Variants in NMNAT3 observed in about 807,000 individuals in gnomAD.
NMNAT3 encodes the protein nicotinamide/nicotinic acid mononucleotide adenylyltransferase 3.
Under a neutral mutation model 24.8 loss-of-function variants are expected in NMNAT3, and 21 were observed. That is an observed-to-expected ratio of 0.85 (90% CI 0.60 to 1.22). NMNAT3 has a LOEUF of 1.22. Among genes scored for constraint, NMNAT3 ranks in the 50% most tolerant of loss-of-function variants. The pLI, the probability that NMNAT3 is intolerant of heterozygous loss-of-function variation, is 0.00. For synonymous variants in NMNAT3, 136 were observed against 155.2 expected (o/e 0.88, Z 0.92); for missense variants, 387 against 436.6 (o/e 0.89, Z 1.01).
chr3:139,599,253 G>T, intron 3 of NMNAT3: 2 of 686,322 alleles, frequency 2.9e-6, no homozygotes, highest in South Asian at 1.6e-5. Context: ...ATGCTCAGAC[G>T]TGGCTGCTCT....
chr3:139,611,029 TGA>T (rs1331159096), intron 3 of NMNAT3, among the ~76,000 whole-genome samples: 3 of 22,562 alleles, frequency 1.3e-4, no homozygotes, highest in African/African-American at 1.7e-4. Context: ...CCAAAGTTGG[TGA>T]GGATGGGGGG....
chr3:139,641,443 C>T (rs966274810), intron 1 of NMNAT3, among the ~76,000 whole-genome samples: 1 of 152,142 alleles, frequency 6.6e-6, no homozygotes, highest in African/African-American at 2.4e-5. Flanking sequence ...ATAGTTGGAA[C>T]AGAGAGGCTG....
At position 139,561,187 on chromosome 3, in the gene NMNAT3, C is replaced by A. The variant is rs1410298680; in HGVS notation, c.864G>T (p.Glu288Asp). Residue 288 changes from glutamate (E) to aspartate (D), a missense_variant, in exon 7 of 7, where the codon GAG becomes GAT. By Grantham distance (45) the Glu-to-Asp change is conservative. Transcript: ENST00000643695. The stretch of plus-strand genomic sequence containing the variant: ...TGGCACTGATCTCATTCTGCACAGG[C>A]TCCTTGGCCAGGTGAATGTTGTGCT... 2 of 1,614,206 alleles carry A rather than the reference C, an allele frequency of 1.2e-6. No individual in the cohort carries two copies. Among genetic ancestry groups the A allele is most frequent in the South Asian group, 2.2e-5 (2 of 91,086 alleles).
intron 3 of NMNAT3, among the ~76,000 whole-genome samples, chr3:139,619,139 C>T (rs1336129381): frequency 3.3e-5 from 5 of 152,192 alleles, no homozygotes; most frequent in Admixed American, 6.5e-5. Context: ...GTAGGTCTGT[C>T]ACCACCTATG....
Position 139,560,901 on chromosome 3 carries a change from A to C in NMNAT3, c.*109T>G. On this transcript the variant is annotated 3_prime_UTR_variant, in exon 7 of 7. Coordinates refer to ENST00000643695, the MANE Select transcript of NMNAT3 (RefSeq NM_001320510.2). ...CAGAAGTAGAATCACTGTAGAAATA[A>C]AGCAAATGAAAAATGGAGAAGCAAA... is the stretch of plus-strand genomic sequence containing the variant. The C allele has an allele frequency of 9.1e-7, 1 of 1,103,988 alleles. No individual in the cohort carries two copies. Among genetic ancestry groups the C allele is most frequent in the Non-Finnish European group, 1.3e-6 (1 of 762,256 alleles). The allele number at this position is 1,103,988 out of a possible 1,614,324, so 68.4% of individuals were successfully genotyped here.
chr3:139,624,460 T>C (rs2108300965), intron 3 of NMNAT3, among the ~76,000 whole-genome samples: 1 of 152,076 alleles, frequency 6.6e-6, no homozygotes, highest in East Asian at 1.9e-4. Flanking sequence ...ACTTTTTTTT[T>C]TTTTTGAGAC....
At chr3:139,583,374 T>C in intron 3 of NMNAT3, 1 of 1,552,750 alleles carries the variant, frequency 6.4e-7, no homozygotes, top group Non-Finnish European at 8.9e-7. Flanking sequence ...TCAACTGGAA[T>C]GTAACATGTA....
chr3:139,588,633 G>A lies in NMNAT3; in HGVS notation c.110-5425C>T, dbSNP rs547568545. On this transcript the variant is annotated intron_variant, in intron 3 of 6. Transcript: ENST00000643695. Reference sequence around the variant, plus strand: ...GGAGCCAAGAACCTCTCCAGGTGGGGGTGCCAGAGGGCCTGAAAACAGGAG... The same window carrying A: ...GGAGCCAAGAACCTCTCCAGGTGGGAGTGCCAGAGGGCCTGAAAACAGGAG... Among the ~76,000 whole-genome samples the A allele has an allele frequency of 7.7e-4, 117 of 152,230 alleles. 2 individuals are homozygous for A. The highest frequency in any genetic ancestry group is 2.6e-3 in the African/African-American group (106 of 41,530).
At chr3:139,607,717 C>T (rs1164073639) in intron 3 of NMNAT3, among the ~76,000 whole-genome samples, 1 of 152,126 alleles carries the variant, frequency 6.6e-6, no homozygotes, top group African/African-American at 2.4e-5. Flanking sequence ...TAAAGAGGAA[C>T]ACTCAGAGAA....
At chr3:139,564,691 T>C (rs937876593) in intron 6 of NMNAT3, among the ~76,000 whole-genome samples, 1 of 152,178 alleles carries the variant, frequency 6.6e-6, no homozygotes, top group African/African-American at 2.4e-5. Flanking sequence ...AACCCCAGAG[T>C]ATAACAGCAC....
chr3:139,629,717 T>C (rs1015455053), intron 2 of NMNAT3, among the ~76,000 whole-genome samples: 6 of 152,172 alleles, frequency 3.9e-5, no homozygotes, highest in Non-Finnish European at 8.8e-5. Context: ...TCATCCAGTT[T>C]CCTACTTTAT....
At chr3:139,580,949 A>G (rs1377686790) in intron 4 of NMNAT3, among the ~76,000 whole-genome samples, 3 of 152,240 alleles carry the variant, frequency 2.0e-5, no homozygotes, top group South Asian at 2.1e-4. Flanking sequence ...TAACCATACA[A>G]TTTATCAGCT....
chr3:139,629,437 T>C (rs925645103), intron 2 of NMNAT3, among the ~76,000 whole-genome samples: 11 of 152,218 alleles, frequency 7.2e-5, no homozygotes, highest in African/African-American at 2.7e-4. Context: ...CCACAGAAAC[T>C]GTGAGATAAT....
At chr3:139,605,086 A>T (rs1316672951) in intron 3 of NMNAT3, among the ~76,000 whole-genome samples, 1 of 152,142 alleles carries the variant, frequency 6.6e-6, no homozygotes, top group African/African-American at 2.4e-5. Context: ...TCAAGAAAAA[A>T]TATCTCAGGT....
rs370831248 is a variant in NMNAT3, at chr3:139,630,884, GT to G, written c.-40-3121del. ...GATGACTGTATCTGAAAAGGTGGCT[GT>G]TTTTTTTTTACAACTGTTATGAAGT... On this transcript the variant is annotated intron_variant, in intron 2 of 6. Transcript: ENST00000643695. 5.4e-5 allele frequency among the ~76,000 whole-genome samples: 8 copies of G among 148,470 alleles called. No homozygotes were observed. In the South Asian group the frequency reaches 6.4e-4, roughly 12 times the overall value.
intron 3 of NMNAT3, among the ~76,000 whole-genome samples, chr3:139,595,699 A>C (rs1411749555): frequency 6.7e-6 from 1 of 150,222 alleles, no homozygotes; most frequent in Non-Finnish European, 1.5e-5. Context: ...TGAGAAAAAC[A>C]AGCAATGGGG....
At chr3:139,570,464 C>A (rs1290082875) in intron 6 of NMNAT3, 3 of 152,070 alleles carry the variant, frequency 2.0e-5, no homozygotes, top group Non-Finnish European at 4.4e-5. Context: ...TTTTTCCCAT[C>A]TTTGTGGTTT....
At chr3:139,563,652 G>A (rs764376579) in intron 6 of NMNAT3, among the ~76,000 whole-genome samples, 10 of 152,106 alleles carry the variant, frequency 6.6e-5, no homozygotes, top group Admixed American at 2.0e-4. Flanking sequence ...ATTTCATGAC[G>A]ACAATACCAT....
chr3:139,659,761 T>C (rs1378925689), intron 1 of NMNAT3, among the ~76,000 whole-genome samples: 1 of 152,240 alleles, frequency 6.6e-6, no homozygotes, highest in African/African-American at 2.4e-5. Context: ...AAGCCTTTCA[T>C]GTAATTGGTC....
Sources: gnomAD v4.1 joint callset for allele counts (sites outside exome capture counted in the v4.1 genomes callset) on GRCh38, gnomAD v4.1.1 for gene constraint, MANE v1.5 for transcripts, NCBI Gene and HGNC (gene_info 2026-07-23, HGNC 2026-07-21) for gene names.